ATP2C2: variants seen among roughly 807,000 people sequenced by gnomAD.
The protein encoded by ATP2C2 is ATPase secretory pathway Ca2+ transporting 2.
A neutral mutation model predicts 110.8 loss-of-function variants in ATP2C2; 171 were observed. That is an observed-to-expected ratio of 1.54 (90% confidence interval 1.36 to 1.75). The LOEUF is 1.75. Among genes scored for constraint, ATP2C2 ranks in the 40% most tolerant of loss-of-function variants. The pLI is 0.00. For synonymous variants in ATP2C2, 804 were observed against 508.4 expected, an observed-to-expected ratio of 1.58 and a Z score of -7.82; for missense variants, 1,963 against 1,235.0, an observed-to-expected ratio of 1.59 and a Z score of -8.84.
intron 18 of ATP2C2, 64 bp from the exon 19 acceptor site, chr16:84,453,074 G>C (rs940499275): frequency 6.6e-7 from 1 of 1,507,380 alleles, no homozygotes; most frequent in Non-Finnish European, 9.0e-7. Context: ...GCCGAGGTGG[G>C]GCCGGGAGTG....
rs563364673 is a variant in ATP2C2 at position 84,448,141 on chromosome 16, C to T, written c.1504-392C>T. Among the ~76,000 whole-genome samples, 5 of 152,236 alleles carry T rather than the reference C, an allele frequency of 3.3e-5. No individual in the cohort carries two copies. The East Asian group carries it at 9.6e-4, about 29-fold the overall frequency. On this transcript the variant is annotated intron_variant, in intron 16 of 26. Transcript: ENST00000262429. ...GTGCTGGGGGTGGGTACAAAATAGA[C>T]TTGGTGCTGCCCTAGGGAGGCAACA... is the stretch of plus-strand genomic sequence containing the variant.
At chr16:84,460,307 G>C (rs932412080) in intron 23 of ATP2C2, 2 of 358,280 alleles carry the variant, frequency 5.6e-6, no homozygotes, top group Non-Finnish European at 1.1e-5. Context: ...GGGGCTCTGC[G>C]GAGGGCGGAG....
At chr16:84,391,704 G>GAAA (rs1904673910) in intron 1 of ATP2C2, among the ~76,000 whole-genome samples, 2 of 152,164 alleles carry the variant, frequency 1.3e-5, no homozygotes, top group African/African-American at 4.8e-5. Flanking sequence ...ACGTGGCCCT[G>GAAA]CCAGCATCTT....
At chr16:84,399,275 A>G (rs1905177950) in intron 2 of ATP2C2, among the ~76,000 whole-genome samples, 1 of 152,232 alleles carries the variant, frequency 6.6e-6, no homozygotes. Context: ...TCTTGAGAAT[A>G]ACTCAAGTCT....
Position 84,453,328 on chromosome 16 carries a change from T to C in ATP2C2, c.1937T>C (p.Val646Ala). Residue 646 changes from valine to alanine, a missense_variant, in exon 20 of 27, where the codon GTG becomes GCG. Val to Ala is a moderately conservative substitution (Grantham distance 64, BLOSUM62 0). Transcript: ENST00000262429. ...CCCCGTCTCCGTGTCCAGGTGTCCG[T>C]GTTCTTCAGGACCAGCCCAAAGCAC... ...ELADRVGKVS[V>A]FFRTSPKHKL... is the part of the protein sequence containing the mutation. 1 of 1,614,148 alleles carries C rather than the reference T, an allele frequency of 6.2e-7. No homozygotes were observed. Among genetic ancestry groups the C allele is most frequent in the Non-Finnish European group, 8.5e-7 (1 of 1,180,008 alleles).
At chr16:84,385,618 A>T (rs1597738395) in intron 1 of ATP2C2, among the ~76,000 whole-genome samples, 1 of 152,248 alleles carries the variant, frequency 6.6e-6, no homozygotes, top group Non-Finnish European at 1.5e-5. Context: ...TGAGTAATTT[A>T]CAAAGAAAAG....
chr16:84,406,789 G>A (rs560668364), intron 3 of ATP2C2: 30 of 339,758 alleles, frequency 8.8e-5, no homozygotes, highest in Admixed American at 3.2e-4. Context: ...CTCTGCGGCT[G>A]GAGATCTCTT....
intron 1 of ATP2C2, among the ~76,000 whole-genome samples, chr16:84,382,886 A>C (rs1910665248): frequency 7.2e-6 from 1 of 139,570 alleles, no homozygotes; most frequent in South Asian, 2.3e-4. Flanking sequence ...ACAGAGCAAG[A>C]CTCCATCTAA....
chr16:84,436,558 T>C (rs758321078), intron 11 of ATP2C2, among the ~76,000 whole-genome samples: 1 of 152,168 alleles, frequency 6.6e-6, no homozygotes, highest in Non-Finnish European at 1.5e-5. Flanking sequence ...CAGAAACTCC[T>C]CATCACTTCT....
intron 11 of ATP2C2, among the ~76,000 whole-genome samples, chr16:84,432,097 C>G (rs937747741): frequency 1.3e-5 from 2 of 152,088 alleles, no homozygotes; most frequent in African/African-American, 4.8e-5. Flanking sequence ...GGGCCCGAGA[C>G]TCACATTTCT....
intron 2 of ATP2C2, among the ~76,000 whole-genome samples, chr16:84,399,849 C>G (rs1033540725): frequency 2.0e-5 from 3 of 152,160 alleles, no homozygotes; most frequent in Non-Finnish European, 4.4e-5. Flanking sequence ...CCAGCAAATA[C>G]TAGGTCTTAT....
rs570487221 is a variant in ATP2C2, at chr16:84,412,429, C to G, written c.515+1664C>G. ...GTGCATGTGTCTGTGTATGTGTGTG[C>G]GTGTGTGTATGCATGTGTGTGTCTG... On this transcript the variant is annotated intron_variant, in intron 6 of 26. Coordinates refer to ENST00000262429, the MANE Select transcript of ATP2C2 (RefSeq NM_014861.4). Among the ~76,000 whole-genome samples the G allele has an allele frequency of 7.9e-4, 101 of 128,082 alleles. 4 individuals are homozygous for G. The East Asian group carries it at 0.022, about 28-fold the overall frequency. The allele number at this position is 128,082 out of a possible 152,430, so 84.0% of individuals were successfully genotyped here.
chr16:84,369,318 G>A (rs1005219888), intron 1 of ATP2C2, among the ~76,000 whole-genome samples: 2 of 152,272 alleles, frequency 1.3e-5, no homozygotes, highest in East Asian at 3.9e-4. Context: ...GAACGAAGTG[G>A]CAAAGCTGTC....
At chr16:84,415,815 A>G (rs1024104468) in intron 7 of ATP2C2, among the ~76,000 whole-genome samples, 2 of 152,174 alleles carry the variant, frequency 1.3e-5, no homozygotes, top group Non-Finnish European at 2.9e-5. Context: ...AAGCCTGACA[A>G]CCTTTGGCTA....
intron 1 of ATP2C2, among the ~76,000 whole-genome samples, chr16:84,394,166 A>G (rs573113153): frequency 1.7e-4 from 26 of 152,186 alleles, no homozygotes; most frequent in African/African-American, 6.0e-4. Context: ...CCTGAGCAAC[A>G]GAGCAAGACT....
At chr16:84,425,508 C>G (rs950786525) in intron 10 of ATP2C2, among the ~76,000 whole-genome samples, 10 of 151,942 alleles carry the variant, frequency 6.6e-5, no homozygotes, top group African/African-American at 2.4e-4. Flanking sequence ...GAGCCTTTTA[C>G]TTAAATTTGG....
chr16:84,389,577 G>C (rs1971943), intron 1 of ATP2C2, among the ~76,000 whole-genome samples: 1 of 152,018 alleles, frequency 6.6e-6, no homozygotes. Flanking sequence ...TTTCTTAAAC[G>C]CGGCAGCCCT....
chr16:84,403,264 G>A (rs1243431294), intron 2 of ATP2C2, among the ~76,000 whole-genome samples: 1 of 151,946 alleles, frequency 6.6e-6, no homozygotes, highest in Non-Finnish European at 1.5e-5. Flanking sequence ...TTAAAAAAAT[G>A]TCTGATATGT....
chr16:84,406,749 C>G, intron 3 of ATP2C2: 5 of 664,824 alleles, frequency 7.5e-6, no homozygotes, highest in Non-Finnish European at 7.4e-6. Context: ...GGAAGGAGGC[C>G]GAGACATGGG....
Sources: allele counts gnomAD v4.1 joint callset (sites outside exome capture counted in the v4.1 genomes callset), GRCh38; gene constraint gnomAD v4.1.1; transcripts MANE v1.5; gene names NCBI Gene and HGNC (gene_info 2026-07-23, HGNC 2026-07-21).